PCDH11X: variants seen among roughly 807,000 people sequenced by gnomAD.
The protein encoded by PCDH11X is protocadherin-11 X-linked.
In PCDH11X, 18 loss-of-function variants were observed where a neutral mutation model predicts 53.3. The observed-to-expected ratio is 0.34, with a 90% CI of 0.23 to 0.50. PCDH11X has a LOEUF of 0.50. PCDH11X is among the 20% of genes least tolerant of loss of function. PCDH11X has a pLI of 0.98. For synonymous variants in PCDH11X, 279 were observed against 393.3 expected (o/e 0.71, Z 3.44); for missense variants, 570 against 1,032.4 (o/e 0.55, Z 6.14).
chrX:91,915,429 T>C (rs1245047463), intron 6 of PCDH11X, among the ~76,000 whole-genome samples: 6 of 110,817 alleles, frequency 5.4e-5, no homozygotes, highest in Non-Finnish European at 1.1e-4. Flanking sequence ...ACCAAGTTGC[T>C]GCTGTCTTCA....
chrX:92,004,584 A>C (rs1165723528), intron 6 of PCDH11X, among the ~76,000 whole-genome samples: 2 of 109,540 alleles, frequency 1.8e-5, no homozygotes, highest in African/African-American at 6.6e-5. Flanking sequence ...TATATATTTA[A>C]AATTCTTATA....
chrX:91,921,564 A>T (rs1214719921), intron 6 of PCDH11X, among the ~76,000 whole-genome samples: 1 of 107,584 alleles, frequency 9.3e-6, no homozygotes, highest in East Asian at 3.0e-4. Context: ...ATCATACAGT[A>T]TGTAGCCATT....
At chrX:92,567,273 T>C (rs1167282275) in intron 10 of PCDH11X, among the ~76,000 whole-genome samples, 1 of 97,296 alleles carries the variant, frequency 1.0e-5, no homozygotes, top group African/African-American at 3.7e-5. Flanking sequence ...GGGATGTTTT[T>C]TCATTTGTTT....
At position 92,083,828 on chromosome X, in the gene PCDH11X, C is replaced by T. The variant is rs540613246; in HGVS notation, c.3034-117547C>T. ...TCTTAGAGCCAGGCACGGTGGCTCT[C>T]GCCTGTAATCCCAGCACTTTGGGAG... On this transcript the variant is annotated intron_variant, in intron 6 of 10. Transcript: ENST00000682573. Among the ~76,000 whole-genome samples, 21 of 111,464 alleles carry T rather than the reference C, an allele frequency of 1.9e-4. No individual in the cohort carries two copies. In the South Asian group the frequency reaches 2.3e-3, roughly 12 times the overall value.
At chrX:92,273,851 T>C (rs1186426177) in intron 8 of PCDH11X, among the ~76,000 whole-genome samples, 1 of 110,898 alleles carries the variant, frequency 9.0e-6, no homozygotes, top group Admixed American at 9.6e-5. Context: ...ACCTAGGACA[T>C]CTGATTAGAG....
intron 6 of PCDH11X, among the ~76,000 whole-genome samples, chrX:91,990,954 G>T (rs971622479): frequency 2.6e-4 from 26 of 98,926 alleles, no homozygotes; most frequent in African/African-American, 8.7e-4. Flanking sequence ...CTACAGGGTT[G>T]TGCCTGGCAA....
chrX:92,394,243 T>C (rs756795749), intron 9 of PCDH11X, among the ~76,000 whole-genome samples: 1 of 111,688 alleles, frequency 9.0e-6, no homozygotes, highest in Non-Finnish European at 1.9e-5. Flanking sequence ...GGTGACAGTC[T>C]CTAAGACGAG....
At chrX:92,259,092 C>T (rs1313918021) in intron 7 of PCDH11X, among the ~76,000 whole-genome samples, 1 of 110,427 alleles carries the variant, frequency 9.1e-6, no homozygotes, top group African/African-American at 3.3e-5. Context: ...TTGGTCACAA[C>T]AATTTAACAA....
intron 6 of PCDH11X, among the ~76,000 whole-genome samples, chrX:91,906,060 C>G (rs950849982): frequency 9.1e-6 from 1 of 110,179 alleles, no homozygotes; most frequent in Non-Finnish European, 1.9e-5. Context: ...AAGATCTTTA[C>G]GTTTGAGGAT....
At chrX:92,378,775 A>G (rs2070806439) in intron 8 of PCDH11X, among the ~76,000 whole-genome samples, 4 of 111,794 alleles carry the variant, frequency 3.6e-5, no homozygotes, top group Non-Finnish European at 7.5e-5. Flanking sequence ...TAAGGGCACT[A>G]ATCTGATTTA....
intron 6 of PCDH11X, among the ~76,000 whole-genome samples, chrX:92,134,660 T>C (rs773180776): frequency 1.2e-3 from 128 of 111,164 alleles, no homozygotes; most frequent in African/African-American, 4.0e-3. Context: ...GGCTACTCCA[T>C]AGACATTTTT....
At chrX:92,286,004 G>C (rs1168889197) in intron 8 of PCDH11X, among the ~76,000 whole-genome samples, 3 of 112,590 alleles carry the variant, frequency 2.7e-5, no homozygotes, top group African/African-American at 6.5e-5. Context: ...ATTGTTTGTG[G>C]TTTAGGAACA....
chrX:92,061,599 G>T (rs1325710007), intron 6 of PCDH11X, among the ~76,000 whole-genome samples: 4 of 109,404 alleles, frequency 3.7e-5, no homozygotes, highest in African/African-American at 1.4e-4. Flanking sequence ...GGAAGATCAA[G>T]TTATTGTAGG....
intron 9 of PCDH11X, among the ~76,000 whole-genome samples, chrX:92,419,275 C>CTTTTTTTTTTTTTTTCT (rs200748988): frequency 1.1e-5 from 1 of 88,938 alleles, no homozygotes; most frequent in African/African-American, 4.1e-5. Flanking sequence ...TTTTTTTGTT[C>CTTTTTTTTTTTTTTTCT]TTTTTTTTTT....
At chrX:92,474,996 T>C in intron 10 of PCDH11X, among the ~76,000 whole-genome samples, 1 of 102,888 alleles carries the variant, frequency 9.7e-6, no homozygotes. Context: ...AAACCCCGTC[T>C]CTACTAAAAA....
chrX:91,875,352 G>T (rs1317953179), intron 5 of PCDH11X, among the ~76,000 whole-genome samples: 1 of 99,631 alleles, frequency 1.0e-5, no homozygotes, highest in Non-Finnish European at 2.0e-5. Flanking sequence ...GCGCCATCTC[G>T]GCTCACTGCA....
chrX:92,574,852 A>G (rs1245327201), intron 10 of PCDH11X, among the ~76,000 whole-genome samples: 3 of 110,968 alleles, frequency 2.7e-5, no homozygotes, highest in African/African-American at 9.8e-5. Context: ...ATTACAAAAA[A>G]TACTGTGTGT....
intron 4 of PCDH11X, among the ~76,000 whole-genome samples, chrX:91,821,684 G>T (rs1433332990): frequency 9.7e-6 from 1 of 103,492 alleles, no homozygotes; most frequent in Non-Finnish European, 1.9e-5. Context: ...CTGCCTAATT[G>T]GCCTGGCCAG....
intron 6 of PCDH11X, among the ~76,000 whole-genome samples, chrX:92,027,218 TATA>T (rs2062981666): frequency 9.0e-6 from 1 of 111,368 alleles, no homozygotes; most frequent in South Asian, 3.7e-4. Flanking sequence ...GTGTCATTTT[TATA>T]ATAATATGAT....
Sources: gnomAD v4.1 joint callset for allele counts (sites outside exome capture counted in the v4.1 genomes callset) on GRCh38, gnomAD v4.1.1 for gene constraint, MANE v1.5 for transcripts, NCBI Gene and HGNC (gene_info 2026-07-23, HGNC 2026-07-21) for gene names.